ESRRB: variants seen among roughly 807,000 people sequenced by gnomAD.
The protein encoded by ESRRB is estrogen related receptor beta, also known as steroid hormone receptor ERR2.
In ESRRB, 16 loss-of-function variants were observed where a neutral mutation model predicts 46.0. The observed-to-expected ratio is 0.35, with a 90% CI of 0.24 to 0.53. The LOEUF (loss-of-function observed/expected upper bound fraction) is 0.53, where lower values mean the gene tolerates loss of function less well. Among genes scored for constraint, ESRRB ranks in the 20% least tolerant of loss-of-function variants. The pLI is 0.93. For synonymous variants in ESRRB, 246 were observed against 259.6 expected, an observed-to-expected ratio of 0.95 and a Z score of 0.50; for missense variants, 488 against 607.4, an observed-to-expected ratio of 0.80 and a Z score of 2.07.
intron 1 of ESRRB, among the ~76,000 whole-genome samples, chr14:76,379,882 A>G (rs111886499): frequency 0.15 from 22,660 of 147,462 alleles, 2,281 homozygotes; most frequent in Non-Finnish European, 0.22. Context: ...AAAAAAGCAC[A>G]GAGAAACAAC....
At chr14:76,343,367 C>T (rs577827300) in intron 1 of ESRRB, among the ~76,000 whole-genome samples, 3 of 152,336 alleles carry the variant, frequency 2.0e-5, no homozygotes, top group African/African-American at 7.2e-5. Flanking sequence ...ACTCTGAAGT[C>T]AGACTGTTTG....
chr14:76,329,464 C>T (rs1187471461), intron 1 of ESRRB, among the ~76,000 whole-genome samples: 1 of 152,170 alleles, frequency 6.6e-6, no homozygotes, highest in Non-Finnish European at 1.5e-5. Context: ...ACAGCACACT[C>T]CAGGCACTGA....
chr14:76,498,884 C>T lies in ESRRB; in HGVS notation c.*426C>T, dbSNP rs769392119. ...TGGGCACTGCTCAGGCTGGATACCA[C>T]CTGGAGGTTTTCCTTCCGCAGAGGG... On this transcript the variant is annotated 3_prime_UTR_variant, in exon 7 of 7. Transcript: ENST00000644823. 1 of 537,122 alleles carries T rather than the reference C, an allele frequency of 1.9e-6. No individual in the cohort carries two copies. The highest frequency in any genetic ancestry group is 1.4e-5 in the South Asian group (1 of 71,392). 33.3% of individuals were successfully genotyped at this position (537,122 alleles called of 1,614,324 possible). A position where few individuals can be genotyped will look rare whatever the true frequency, so the allele number is the denominator to read the frequency against.
intron 1 of ESRRB, among the ~76,000 whole-genome samples, chr14:76,356,094 C>T (rs1884375749): frequency 6.6e-6 from 1 of 152,232 alleles, no homozygotes; most frequent in South Asian, 2.1e-4. Flanking sequence ...TTGACATGAC[C>T]TGCTCCACAG....
intron 1 of ESRRB, among the ~76,000 whole-genome samples, chr14:76,331,006 A>G (rs1399863845): frequency 6.6e-6 from 1 of 152,040 alleles, no homozygotes; most frequent in Non-Finnish European, 1.5e-5. Flanking sequence ...CAGTTAGGTA[A>G]GCCCTCGGTT....
At chr14:76,446,235 C>T (rs1345635823) in intron 2 of ESRRB, among the ~76,000 whole-genome samples, 2 of 152,224 alleles carry the variant, frequency 1.3e-5, no homozygotes, top group East Asian at 1.9e-4. Flanking sequence ...CACTCCTCTG[C>T]ACTACATTGA....
intron 1 of ESRRB, among the ~76,000 whole-genome samples, chr14:76,352,598 C>G (rs1884327242): frequency 6.6e-6 from 1 of 152,210 alleles, no homozygotes. Flanking sequence ...TAGCCCCAGC[C>G]AGGTGTGGGA....
chr14:76,459,611 T>G (rs78917359), intron 2 of ESRRB, among the ~76,000 whole-genome samples: 1 of 152,112 alleles, frequency 6.6e-6, no homozygotes, highest in Non-Finnish European at 1.5e-5. Context: ...TAAGCCAAGA[T>G]AAAAGCTTGA....
chr14:76,334,798 A>C (rs1884107029), intron 1 of ESRRB, among the ~76,000 whole-genome samples: 1 of 152,130 alleles, frequency 6.6e-6, no homozygotes, highest in African/African-American at 2.4e-5. Context: ...GGTTGGGGGA[A>C]CCAGAAACAC....
chr14:76,415,654 T>TATC (rs1215885917), intron 1 of ESRRB, among the ~76,000 whole-genome samples: 1 of 152,096 alleles, frequency 6.6e-6, no homozygotes, highest in African/African-American at 2.4e-5. Flanking sequence ...AGTGAGACTC[T>TATC]ATCTCAAAAA....
Position 76,498,879 on chromosome 14 carries a change from T to A in ESRRB, c.*421T>A, listed in dbSNP as rs1300039733. On this transcript the variant is annotated 3_prime_UTR_variant, in exon 7 of 7. Coordinates refer to ENST00000644823, the MANE Select transcript of ESRRB (RefSeq NM_001379180.1). ...CTGGGTGGGCACTGCTCAGGCTGGATACCACCTGGAGGTTTTCCTTCCGCA... is the reference window on the plus strand; with the variant it reads ...CTGGGTGGGCACTGCTCAGGCTGGAAACCACCTGGAGGTTTTCCTTCCGCA... 1.9e-6 allele frequency: 1 copy of A among 538,358 alleles called. No individual in the cohort carries two copies. The highest frequency in any genetic ancestry group is 1.9e-5 in the African/African-American group (1 of 52,264). 33.3% of individuals were successfully genotyped at this position (538,358 alleles called of 1,614,324 possible). A position where few individuals can be genotyped will look rare whatever the true frequency, so the allele number is the denominator to read the frequency against.
chr14:76,414,497 C>G (rs973873506), intron 1 of ESRRB, among the ~76,000 whole-genome samples: 9 of 151,280 alleles, frequency 5.9e-5, no homozygotes, highest in African/African-American at 2.2e-4. Flanking sequence ...GTGGTTCCTC[C>G]CCAGCTCAGT....
chr14:76,321,682 G>T (rs1361252714), intron 1 of ESRRB, among the ~76,000 whole-genome samples: 2 of 152,110 alleles, frequency 1.3e-5, no homozygotes, highest in Non-Finnish European at 2.9e-5. Context: ...AAGGAAAGAG[G>T]CATTTTTTGA....
At chr14:76,425,534 C>A (rs1225713401) in intron 1 of ESRRB, among the ~76,000 whole-genome samples, 5 of 152,056 alleles carry the variant, frequency 3.3e-5, no homozygotes, top group Admixed American at 6.6e-5. Context: ...CCTCCCCCTC[C>A]TCCTCCCTTC....
chr14:76,424,004 G>T (rs577082870), intron 1 of ESRRB, among the ~76,000 whole-genome samples: 59 of 152,170 alleles, frequency 3.9e-4, no homozygotes, highest in Admixed American at 2.5e-3. Flanking sequence ...TTCAGCAGAG[G>T]AATGTTGTGA....
intron 1 of ESRRB, among the ~76,000 whole-genome samples, chr14:76,317,308 C>CTGTG (rs1491426391): frequency 6.4e-4 from 80 of 125,232 alleles, no homozygotes; most frequent in African/African-American, 2.3e-3. Flanking sequence ...GCTGATTAGG[C>CTGTG]TCTGTGTGTG....
intron 1 of ESRRB, among the ~76,000 whole-genome samples, chr14:76,320,870 T>C (rs1883858849): frequency 6.6e-6 from 1 of 152,160 alleles, no homozygotes; most frequent in South Asian, 2.1e-4. Context: ...AATGCCAGCC[T>C]TACTTCTCTC....
At chr14:76,497,224 A>G (rs11159208) in intron 6 of ESRRB, among the ~76,000 whole-genome samples, 144,757 of 152,140 alleles carry the variant, frequency 0.95, 69,286 homozygotes, top group East Asian at 1. Context: ...CCTTGGTAGC[A>G]GGGAGCAGAA....
At chr14:76,365,133 G>A (rs1313292614) in intron 1 of ESRRB, among the ~76,000 whole-genome samples, 1 of 152,194 alleles carries the variant, frequency 6.6e-6, no homozygotes, top group African/African-American at 2.4e-5. Flanking sequence ...AATGCCAAGT[G>A]GTCACAGAAT....
Sources: allele counts gnomAD v4.1 joint callset (sites outside exome capture counted in the v4.1 genomes callset), GRCh38; gene constraint gnomAD v4.1.1; transcripts MANE v1.5; gene names NCBI Gene and HGNC (gene_info 2026-07-23, HGNC 2026-07-21).